The following WDPCP variants were observed in gnomAD, a reference collection of about 807,000 sequenced individuals.
The protein encoded by WDPCP is WD repeat-containing and planar cell polarity effector protein fritz homolog.
Under a neutral mutation model 93.1 loss-of-function variants are expected in WDPCP, and 71 were observed. The observed-to-expected ratio is 0.76, with a 90% CI of 0.63 to 0.93. The LOEUF is 0.93. Among genes scored for constraint, WDPCP ranks in the 40% least tolerant of loss-of-function variants. The pLI is 0.00. For missense variants in WDPCP, 844 were observed against 887.4 expected, an observed-to-expected ratio of 0.95 and a Z score of 0.62; for synonymous variants, 315 against 315.0, an observed-to-expected ratio of 1.00 and a Z score of 0.00.
rs1008366192 is a variant in WDPCP, at chr2:63,597,156, C to G, written n.488+53503G>C. 9.5e-6 allele frequency: 4 copies of G among 422,920 alleles called. No homozygotes were observed. The Admixed American group carries it at 2.6e-4, about 27-fold the overall frequency. 26.2% of individuals were successfully genotyped at this position (422,920 alleles called of 1,614,324 possible). A position where few individuals can be genotyped will look rare whatever the true frequency, so the allele number is the denominator to read the frequency against. ...CATATATGATTATAAAAGATAAAAG[C>G]TATGGAGTTTTGACATTTAAGTAAT... On this transcript the variant is annotated intron_variant and non_coding_transcript_variant, in intron 3 of 4. Transcript: ENST00000467687.
intron 12 of WDPCP, among the ~76,000 whole-genome samples, chr2:63,338,613 T>C (rs1688625357): frequency 8.2e-6 from 1 of 122,464 alleles, no homozygotes; most frequent in Non-Finnish European, 1.7e-5. Context: ...TATATATATA[T>C]ATATGGATAA....
intron 3 of WDPCP, among the ~76,000 whole-genome samples, chr2:63,620,586 G>A (rs1709724587): frequency 1.3e-5 from 2 of 152,338 alleles, no homozygotes; most frequent in South Asian, 4.1e-4. Flanking sequence ...AGGGGTGGGT[G>A]TGGGCACAGC....
intron 6 of WDPCP, among the ~76,000 whole-genome samples, chr2:63,474,175 A>C (rs1699840726): frequency 6.6e-6 from 1 of 152,180 alleles, no homozygotes; most frequent in Non-Finnish European, 1.5e-5. Flanking sequence ...GTAATATAGA[A>C]CTTAAATAAA....
At chr2:63,595,087 C>T (rs565297480) in intron 3 of WDPCP, 1 of 366,672 alleles carries the variant, frequency 2.7e-6, no homozygotes, top group East Asian at 7.1e-5. Context: ...AGATACTGTA[C>T]TTAGCTTTCC....
chr2:63,303,194 T>C (rs1685461760), intron 13 of WDPCP, among the ~76,000 whole-genome samples: 1 of 152,198 alleles, frequency 6.6e-6, no homozygotes. Flanking sequence ...TTTATTTCAC[T>C]GCGATTTTAG....
chr2:63,272,393 T>A (rs999057822), intron 13 of WDPCP, among the ~76,000 whole-genome samples: 2 of 152,150 alleles, frequency 1.3e-5, no homozygotes, highest in Non-Finnish European at 2.9e-5. Flanking sequence ...AAGAAGCAAC[T>A]GTTCACTAGA....
At chr2:63,330,813 T>C (rs923058447) in intron 12 of WDPCP, among the ~76,000 whole-genome samples, 9 of 152,106 alleles carry the variant, frequency 5.9e-5, no homozygotes, top group African/African-American at 2.2e-4. Flanking sequence ...TAGTTATGTT[T>C]TGGTATATTG....
intron 12 of WDPCP, among the ~76,000 whole-genome samples, chr2:63,373,493 C>T (rs1228943643): frequency 1.3e-5 from 2 of 150,694 alleles, no homozygotes; most frequent in South Asian, 2.1e-4. Context: ...TGGGCTGAAG[C>T]GATTCTCCTG....
At chr2:63,749,560 G>T (rs1669848766) in intron 2 of WDPCP, among the ~76,000 whole-genome samples, 1 of 152,018 alleles carries the variant, frequency 6.6e-6, no homozygotes, top group South Asian at 2.1e-4. Flanking sequence ...TATAAAATAG[G>T]CTTTGTCTTA....
intron 13 of WDPCP, among the ~76,000 whole-genome samples, chr2:63,308,665 T>C (rs988220537): frequency 2.0e-5 from 3 of 152,014 alleles, no homozygotes; most frequent in African/African-American, 4.8e-5. Flanking sequence ...ATAGCACATG[T>C]TCTCACTCAT....
At chr2:63,551,572 C>T (rs1705648101) in intron 1 of WDPCP, among the ~76,000 whole-genome samples, 1 of 152,182 alleles carries the variant, frequency 6.6e-6, no homozygotes, top group Non-Finnish European at 1.5e-5. Context: ...GTACAGCCTG[C>T]AGAACCATGA....
At chr2:63,485,564 T>C (rs772534176) in intron 4 of WDPCP, among the ~76,000 whole-genome samples, 6 of 151,890 alleles carry the variant, frequency 4.0e-5, no homozygotes, top group Non-Finnish European at 8.8e-5. Context: ...TTTAAAACAG[T>C]TATCTTTAAA....
At chr2:63,722,175 T>C (rs1476561645) in intron 2 of WDPCP, among the ~76,000 whole-genome samples, 1 of 151,850 alleles carries the variant, frequency 6.6e-6, no homozygotes, top group Non-Finnish European at 1.5e-5. Context: ...GAGGAGCGTC[T>C]CTGCCTGGCC....
At chr2:63,445,776 GAAGTA>G (rs1697816401) in intron 6 of WDPCP, among the ~76,000 whole-genome samples, 1 of 152,156 alleles carries the variant, frequency 6.6e-6, no homozygotes, top group Non-Finnish European at 1.5e-5. Context: ...GCAGTGGTGA[GAAGTA>G]AAGAGAAAGG....
In WDPCP at chr2:63,439,888, G is replaced by T. The variant is rs183208705; in HGVS notation, c.385-17C>A. ...AAAAAGGAGCTAAAACCAGGTAAGT[G>T]GGGGAGAGAGGGAGGAAGACATGCT... On this transcript the variant is annotated splice_polypyrimidine_tract_variant and intron_variant, in intron 6 of 17. Transcript: ENST00000272321. The T allele has an allele frequency of 3.0e-5, 48 of 1,580,884 alleles. No homozygotes were observed. In the East Asian group the frequency reaches 9.0e-4, roughly 29 times the overall value.
chr2:63,350,654 G>T (rs1689533013), intron 12 of WDPCP, among the ~76,000 whole-genome samples: 1 of 152,010 alleles, frequency 6.6e-6, no homozygotes, highest in Non-Finnish European at 1.5e-5. Context: ...ACAGTATAGG[G>T]TATGTTGAAA....
At chr2:63,652,860 G>A (rs1710123539) in intron 2 of WDPCP, among the ~76,000 whole-genome samples, 2 of 152,130 alleles carry the variant, frequency 1.3e-5, no homozygotes, top group South Asian at 4.1e-4. Context: ...TCCCAGATAA[G>A]GGAGTTTAAA....
At chr2:63,302,666 T>C (rs539764307) in intron 13 of WDPCP, among the ~76,000 whole-genome samples, 1 of 152,184 alleles carries the variant, frequency 6.6e-6, no homozygotes, top group Non-Finnish European at 1.5e-5. Flanking sequence ...TTGCTAATAT[T>C]CTCTGTAAAG....
chr2:63,332,907 A>ATTT (rs1359183318), intron 12 of WDPCP, among the ~76,000 whole-genome samples: 1 of 151,948 alleles, frequency 6.6e-6, no homozygotes, highest in East Asian at 1.9e-4. Context: ...CACTCGACCT[A>ATTT]TTTTTTCCAT....
Sources: allele counts gnomAD v4.1 joint callset (sites outside exome capture counted in the v4.1 genomes callset), GRCh38; gene constraint gnomAD v4.1.1; transcripts MANE v1.5; gene names NCBI Gene and HGNC (gene_info 2026-07-23, HGNC 2026-07-21).